The following SMARCAL1 variants were observed in gnomAD, a reference collection of about 807,000 sequenced individuals.
SMARCAL1 encodes the protein SNF2 related chromatin remodeling annealing helicase 1, also known as ATP-driven annealing helicase.
SMARCAL1 carries 58 observed loss-of-function variants against 94.5 expected under a neutral mutation model. That is an observed-to-expected ratio of 0.61 (90% CI 0.50 to 0.76). The LOEUF is 0.76. SMARCAL1 is among the 30% of genes least tolerant of loss of function. The probability of loss-of-function intolerance (pLI) is 0.00; values close to 1 mark genes in which losing one functional copy is unlikely to be tolerated. For missense variants in SMARCAL1, 1,051 were observed against 1,177.9 expected (o/e 0.89, Z 1.58); for synonymous variants, 422 against 455.1 (o/e 0.93, Z 0.93).
intron 4 of SMARCAL1, among the ~76,000 whole-genome samples, 182 bp downstream of exon 4, chr2:216,416,489 C>T (rs1559121536): frequency 6.6e-6 from 1 of 152,166 alleles, no homozygotes; most frequent in East Asian, 1.9e-4. Context: ...GGGTGAAGGC[C>T]GTTAGTAGTA....
At chr2:216,435,292 T>C in intron 8 of SMARCAL1, 46 bp from the exon 9 acceptor site, 2 of 1,607,974 alleles carry the variant, frequency 1.2e-6, no homozygotes, top group Non-Finnish European at 1.7e-6. Context: ...CAACAGCTGC[T>C]GTGCTGGGTG....
chr2:216,433,107 A>G (rs1574457012), intron 8 of SMARCAL1, among the ~76,000 whole-genome samples: 1 of 152,152 alleles, frequency 6.6e-6, no homozygotes, highest in Non-Finnish European at 1.5e-5. Context: ...ACTTGTGTTC[A>G]TCTGTCAGCA....
intron 13 of SMARCAL1, among the ~76,000 whole-genome samples, chr2:216,467,490 A>AG (rs1694853359): frequency 6.6e-6 from 1 of 151,834 alleles, no homozygotes; most frequent in Non-Finnish European, 1.5e-5. Context: ...AAAAAAAAAA[A>AG]AAGGGTGGGA....
chr2:216,421,165 T>G (rs1334413447), intron 5 of SMARCAL1, among the ~76,000 whole-genome samples: 1 of 152,218 alleles, frequency 6.6e-6, no homozygotes, highest in Admixed American at 6.5e-5. Flanking sequence ...CAGAGATGTT[T>G]ATTTTGTCGG....
chr2:216,428,539 C>T lies in SMARCAL1; in HGVS notation c.1148-57C>T. The T allele has an allele frequency of 3.2e-6, 5 of 1,541,450 alleles. No individual in the cohort carries two copies. The South Asian group carries it at 5.6e-5, about 17-fold the overall frequency. On this transcript the variant is annotated intron_variant, in intron 6 of 17. Coordinates refer to ENST00000357276, the MANE Select transcript of SMARCAL1 (RefSeq NM_014140.4). ...TATATATATCCCAAAGCTCCTCTTT[C>T]TCCAAATCTTTTGGGCATGAACACT...
chr2:216,446,749 G>A, intron 10 of SMARCAL1: 1 of 603,368 alleles, frequency 1.7e-6, no homozygotes, highest in South Asian at 1.5e-5. Context: ...GATCTCAAGA[G>A]GCTTGCAGTC....
At chr2:216,419,737 A>G (rs1693673387) in intron 4 of SMARCAL1, among the ~76,000 whole-genome samples, 1 of 152,098 alleles carries the variant, frequency 6.6e-6, no homozygotes, top group Non-Finnish European at 1.5e-5. Flanking sequence ...TTGATGTGAA[A>G]AATGTAGGGA....
intron 9 of SMARCAL1, among the ~76,000 whole-genome samples, chr2:216,436,784 C>T (rs1694091074): frequency 1.3e-5 from 2 of 152,202 alleles, no homozygotes; most frequent in Admixed American, 1.3e-4. Flanking sequence ...ATATAATCAT[C>T]TATTTTCCCA....
chr2:216,467,515 A>AC (rs1281328267), intron 13 of SMARCAL1, among the ~76,000 whole-genome samples: 7 of 151,864 alleles, frequency 4.6e-5, no homozygotes, highest in Non-Finnish European at 1.0e-4. Flanking sequence ...AAGAAAAAAC[A>AC]CAGTGGCTGG....
At chr2:216,480,239 G>T (rs1695167044) in intron 17 of SMARCAL1, among the ~76,000 whole-genome samples, 3 of 151,894 alleles carry the variant, frequency 2.0e-5, no homozygotes, top group Admixed American at 2.0e-4. Context: ...ATTAAGATGG[G>T]GCTGAAAATT....
At chr2:216,444,232 G>A (rs1295129459) in intron 10 of SMARCAL1, among the ~76,000 whole-genome samples, 1 of 152,012 alleles carries the variant, frequency 6.6e-6, no homozygotes, top group Non-Finnish European at 1.5e-5. Context: ...TTGAATATAT[G>A]GTATTGTATA....
intron 4 of SMARCAL1, among the ~76,000 whole-genome samples, chr2:216,418,364 C>T (rs1286344209): frequency 3.3e-5 from 5 of 152,182 alleles, no homozygotes; most frequent in Admixed American, 2.6e-4. Context: ...AATTGTTTGG[C>T]TCCTCTGCAT....
chr2:216,423,449 C>G (rs1423034787), intron 5 of SMARCAL1, among the ~76,000 whole-genome samples, 184 bp from the exon 6 acceptor site: 1 of 152,214 alleles, frequency 6.6e-6, no homozygotes, highest in African/African-American at 2.4e-5. Context: ...TCCCAGTATA[C>G]TGGGGAAGCC....
intron 7 of SMARCAL1, among the ~76,000 whole-genome samples, chr2:216,430,766 C>A (rs1414895376): frequency 6.6e-6 from 1 of 152,234 alleles, no homozygotes; most frequent in African/African-American, 2.4e-5. Context: ...AAACAAAAGA[C>A]GCTCAAAGGG....
At chr2:216,454,327 T>G (rs375670893) in intron 12 of SMARCAL1, among the ~76,000 whole-genome samples, 1 of 152,212 alleles carries the variant, frequency 6.6e-6, no homozygotes, top group Admixed American at 6.5e-5. Context: ...AGATATCTAT[T>G]GTATAAAATC....
chr2:216,427,075 G>C (rs1222965816), intron 6 of SMARCAL1: 2 of 152,172 alleles, frequency 1.3e-5, no homozygotes, highest in African/African-American at 4.8e-5. Flanking sequence ...AGTCCAGAAG[G>C]GTTCTCAACA....
chr2:216,469,792 ATGT>A (rs1694922591), intron 14 of SMARCAL1, among the ~76,000 whole-genome samples: 1 of 152,190 alleles, frequency 6.6e-6, no homozygotes, highest in Non-Finnish European at 1.5e-5. Context: ...TTCATACTAA[ATGT>A]TGTCAAATTG....
chr2:216,468,573 T>G (rs1192569749), intron 14 of SMARCAL1, among the ~76,000 whole-genome samples: 1 of 152,222 alleles, frequency 6.6e-6, no homozygotes. Flanking sequence ...CCCCTTTTCA[T>G]TTTTGGTTAA....
rs151241914 is a variant in SMARCAL1, at chr2:216,450,989, C to T, written c.1995C>T (p.Ala665=). The stretch of plus-strand genomic sequence containing the variant: ...AGCAGCGCAAGATAGTGGTGATTGC[C>T]CCAGGACGGATCAATGCCAGGACCA... ...PAKQRKIVVI[A]PGRINARTRA... The change falls in exon 12 of 18, where the codon GCC becomes GCT. Residue 665 remains alanine, a synonymous_variant. Transcript: ENST00000357276. The T allele has an allele frequency of 4.0e-4, 651 of 1,614,156 alleles. 3 individuals carry two copies. In the African/African-American group the frequency reaches 7.6e-3, roughly 19 times the overall value.
Sources: gnomAD v4.1 joint callset for allele counts (sites outside exome capture counted in the v4.1 genomes callset) on GRCh38, gnomAD v4.1.1 for gene constraint, MANE v1.5 for transcripts, NCBI Gene and HGNC (gene_info 2026-07-23, HGNC 2026-07-21) for gene names.